The following SLC40A1 variants were observed in gnomAD, a reference collection of about 807,000 sequenced individuals.
SLC40A1 encodes ferroportin.
In SLC40A1, 16 loss-of-function variants were observed where a neutral mutation model predicts 53.5. The observed-to-expected ratio is 0.30, with a 90% CI of 0.20 to 0.45. The LOEUF (loss-of-function observed/expected upper bound fraction) is 0.45, where lower values mean the gene tolerates loss of function less well. Among genes scored for constraint, SLC40A1 ranks in the 20% least tolerant of loss-of-function variants. The pLI is 1.00. For synonymous variants in SLC40A1, 247 were observed against 253.2 expected, an observed-to-expected ratio of 0.98 and a Z score of 0.23; for missense variants, 545 against 695.4, an observed-to-expected ratio of 0.78 and a Z score of 2.43.
At chr2:189,578,477 T>A in intron 2 of SLC40A1, 1 of 475,042 alleles carries the variant, frequency 2.1e-6, no homozygotes, top group Non-Finnish European at 2.9e-6. Context: ...CCTAACCTAT[T>A]AACCAAAGGT....
intron 1 of SLC40A1, 29 bp downstream of exon 1, chr2:189,580,389 A>G (rs1179086473): frequency 1.2e-6 from 2 of 1,612,478 alleles, no homozygotes; most frequent in African/African-American, 1.3e-5. Flanking sequence ...CTGGGTTTCC[A>G]CCATATGCTT....
chr2:189,564,240 T>C lies in SLC40A1; in HGVS notation c.761-15A>G. 2 of 1,611,864 alleles carry C rather than the reference T, an allele frequency of 1.2e-6. No individual in the cohort carries two copies. Among genetic ancestry groups the C allele is most frequent in the East Asian group, 2.2e-5 (1 of 44,868 alleles). On this transcript the variant is annotated splice_polypyrimidine_tract_variant and intron_variant, in intron 6 of 7. Transcript: ENST00000261024. ...TGGCTCAGTATCTGTTAAGAAAAGATACCATTATTTTGTTGGGGAGGACAT... is the reference window on the plus strand; with the variant it reads ...TGGCTCAGTATCTGTTAAGAAAAGACACCATTATTTTGTTGGGGAGGACAT...
At chr2:189,563,556 C>T (rs2030823703) in intron 7 of SLC40A1, 28 bp downstream of exon 7, 24 of 1,599,432 alleles carry the variant, frequency 1.5e-5, no homozygotes, top group Non-Finnish European at 2.1e-5. Context: ...CACTTTAGTT[C>T]ATTAATATAT....
chr2:189,572,558 G>A, intron 4 of SLC40A1: 1 of 485,746 alleles, frequency 2.1e-6, no homozygotes, highest in Middle Eastern at 5.7e-4. Context: ...CACAAACAAA[G>A]TATAGGTCAC....
Position 189,560,948 on chromosome 2 carries a change from C to T in SLC40A1, c.*930G>A, listed in dbSNP as rs1182862081. On this transcript the variant is annotated 3_prime_UTR_variant, in exon 8 of 8. Transcript: ENST00000261024. Reference sequence around the variant, plus strand: ...ATAAAACAGTAAAAATAAAAATATTCTACCTGAGTGTGTTAAATCAAGTGA... The same window carrying T: ...ATAAAACAGTAAAAATAAAAATATTTTACCTGAGTGTGTTAAATCAAGTGA... The T allele has an allele frequency of 6.6e-6, 1 of 152,168 alleles. No individual in the cohort carries two copies. Among genetic ancestry groups the T allele is most frequent in the Non-Finnish European group, 1.5e-5 (1 of 68,024 alleles). The allele number at this position is 152,168 out of a possible 1,614,324, so 9.4% of individuals were successfully genotyped here.
In SLC40A1 at chr2:189,561,941, A is replaced by G; in HGVS notation, c.1653T>C (p.Phe551=). ...FAQNTLGNKL[F]ACGPDAKEVR... ...CTTCTTTTGCATCAGGACCGCAAGC[A>G]AAGAGCTTGTTTCCCAGAGTATTTT... The change falls in exon 8 of 8, where the codon TTT becomes TTC. Residue 551 remains phenylalanine, a synonymous_variant. Transcript: ENST00000261024. 6.2e-7 allele frequency: 1 copy of G among 1,614,212 alleles called. No homozygotes were observed. Among genetic ancestry groups the G allele is most frequent in the Middle Eastern group, 1.6e-4 (1 of 6,062 alleles).
At chr2:189,574,711 C>T (rs1407235956) in intron 3 of SLC40A1, among the ~76,000 whole-genome samples, 1 of 152,130 alleles carries the variant, frequency 6.6e-6, no homozygotes, top group Non-Finnish European at 1.5e-5. Flanking sequence ...AACTATTCTG[C>T]CTTGAAGCTA....
chr2:189,580,032 C>CGAAATACAT, intron 1 of SLC40A1, 152 bp from the exon 2 acceptor site: 2 of 826,104 alleles, frequency 2.4e-6, no homozygotes, highest in Non-Finnish European at 4.1e-6. Flanking sequence ...TACCTATGAA[C>CGAAATACAT]CGATGTATTT....
chr2:189,565,410 A>G lies in SLC40A1; in HGVS notation c.704T>C (p.Val235Ala). ...TTCCTCTTCTTTAAGACCAGCTTTC[A>G]CAGCTAGAGCTGGGGTTTTCTGGTA... ...KVYQKTPALA[V>A]KAGLKEEETE... The change falls in exon 6 of 8, where the codon GTG (valine) becomes GCG (alanine). Residue 235 changes from valine to alanine, a missense_variant. Coordinates refer to ENST00000261024, the MANE Select transcript of SLC40A1 (RefSeq NM_014585.6). The G allele has an allele frequency of 6.2e-7, 1 of 1,614,224 alleles. No homozygotes were observed. The highest frequency in any genetic ancestry group is 8.5e-7 in the Non-Finnish European group (1 of 1,180,014).
chr2:189,572,488 T>C (rs2031161085), intron 4 of SLC40A1: 1 of 307,768 alleles, frequency 3.2e-6, no homozygotes, highest in African/African-American at 2.2e-5. Flanking sequence ...GTAACAATTA[T>C]TATTGGAGGA....
intron 2 of SLC40A1, chr2:189,578,302 C>A (rs2031355450): frequency 1.0e-6 from 1 of 1,002,088 alleles, no homozygotes; most frequent in Non-Finnish European, 1.2e-6. Context: ...ATTGTAGTTG[C>A]TGCTGTTTGT....
chr2:189,564,503 A>G (rs2030865521), intron 6 of SLC40A1, among the ~76,000 whole-genome samples: 1 of 152,024 alleles, frequency 6.6e-6, no homozygotes, highest in Admixed American at 6.6e-5. Flanking sequence ...CAAAGTAAAC[A>G]GCAGGAAAAC....
intron 5 of SLC40A1, among the ~76,000 whole-genome samples, chr2:189,571,456 AAGAG>A (rs1355255174): frequency 6.6e-6 from 1 of 152,028 alleles, no homozygotes; most frequent in African/African-American, 2.4e-5. Flanking sequence ...AAAAAAAAAA[AAGAG>A]GAAAGAAAAG....
intron 5 of SLC40A1, among the ~76,000 whole-genome samples, chr2:189,565,802 A>T (rs1386295178): frequency 6.6e-6 from 1 of 152,230 alleles, no homozygotes; most frequent in Non-Finnish European, 1.5e-5. Flanking sequence ...AACAATGATA[A>T]TCCCCTTGGA....
rs142467824 is a variant in SLC40A1, at chr2:189,564,568, C to T, written c.761-343G>A. 1.9e-3 allele frequency among the ~76,000 whole-genome samples: 292 copies of T among 152,174 alleles called. 1 individual carries two copies. The highest frequency in any genetic ancestry group is 6.9e-3 in the African/African-American group (285 of 41,520). On this transcript the variant is annotated intron_variant, in intron 6 of 7. Coordinates refer to ENST00000261024, the MANE Select transcript of SLC40A1 (RefSeq NM_014585.6). ...AAAAACACAGCGTATTGGCCAGGCA[C>T]GGTGGCTCACACCTGTAATCCCAGC...
chr2:189,566,042 G>A (rs986870658), intron 5 of SLC40A1, among the ~76,000 whole-genome samples: 5 of 149,636 alleles, frequency 3.3e-5, no homozygotes, highest in Non-Finnish European at 5.9e-5. Context: ...GTGTGTGTGC[G>A]TGTGTGTGTG....
intron 4 of SLC40A1, 114 bp from the exon 5 acceptor site, chr2:189,571,955 T>A (rs1271290464): frequency 2.1e-5 from 16 of 751,512 alleles, no homozygotes; most frequent in Non-Finnish European, 3.5e-5. Context: ...AAAAGTATTT[T>A]AATTTCATTT....
rs972693280 is a variant in SLC40A1, at chr2:189,574,537, T to C, written c.271+624A>G. Among the ~76,000 whole-genome samples, 26 of 152,234 alleles carry C rather than the reference T, an allele frequency of 1.7e-4. 1 individual carries two copies. The highest frequency in any genetic ancestry group is 4.4e-5 in the Non-Finnish European group (3 of 68,042). ...CAAGAAAATTTACCCTGAATGATCA[T>C]CCATATTTCCCTTATATACTGGAAA... is the stretch of plus-strand genomic sequence containing the variant. On this transcript the variant is annotated intron_variant, in intron 3 of 7. Transcript: ENST00000261024.
At chr2:189,577,340 A>T (rs2031319691) in intron 2 of SLC40A1, among the ~76,000 whole-genome samples, 1 of 152,232 alleles carries the variant, frequency 6.6e-6, no homozygotes, top group Non-Finnish European at 1.5e-5. Flanking sequence ...AAGCAAATCT[A>T]GCACAGGGCA....
Sources: allele counts gnomAD v4.1 joint callset (sites outside exome capture counted in the v4.1 genomes callset), GRCh38; gene constraint gnomAD v4.1.1; transcripts MANE v1.5; gene names NCBI Gene and HGNC (gene_info 2026-07-23, HGNC 2026-07-21).